APP: variants seen among roughly 807,000 people sequenced by gnomAD.
APP encodes the protein amyloid-beta precursor protein.
A neutral mutation model predicts 101.4 loss-of-function variants in APP; 31 were observed. The observed-to-expected ratio is 0.31, with a 90% CI of 0.23 to 0.41. APP has a LOEUF of 0.41. Among genes scored for constraint, APP ranks in the 10% least tolerant of loss-of-function variants. The probability of loss-of-function intolerance (pLI) is 1.00; values close to 1 mark genes in which losing one functional copy is unlikely to be tolerated. For synonymous variants in APP, 366 were observed against 364.4 expected (o/e 1.00, Z -0.05); for missense variants, 839 against 1,003.7 (o/e 0.84, Z 2.22).
chr21:25,929,496 T>C (rs2040050345), intron 13 of APP, among the ~76,000 whole-genome samples: 1 of 152,156 alleles, frequency 6.6e-6, no homozygotes, highest in Non-Finnish European at 1.5e-5. Context: ...TCGAAGTTAT[T>C]GAGGCAATGG....
At chr21:25,901,844 C>A (rs2038512506) in intron 15 of APP, among the ~76,000 whole-genome samples, 1 of 151,820 alleles carries the variant, frequency 6.6e-6, no homozygotes, top group South Asian at 2.1e-4. Context: ...GGGTCAAGGA[C>A]CTGGTTTCCC....
intron 6 of APP, among the ~76,000 whole-genome samples, chr21:26,021,568 T>A (rs1450218245): frequency 6.6e-6 from 1 of 152,148 alleles, no homozygotes; most frequent in Non-Finnish European, 1.5e-5. Context: ...ATTAGATGAC[T>A]ACCTGGTTGG....
At chr21:26,014,021 G>A (rs530597882) in intron 6 of APP, among the ~76,000 whole-genome samples, 3 of 62 alleles carry the variant, frequency 0.048, no homozygotes, top group South Asian at 0.25. Context: ...GCTACAACCC[G>A]GGCGAGAGTA....
intron 2 of APP, among the ~76,000 whole-genome samples, chr21:26,097,879 G>C (rs1309341871): frequency 2.0e-5 from 3 of 152,152 alleles, no homozygotes; most frequent in Non-Finnish European, 1.5e-5. Flanking sequence ...AGTAGATCGA[G>C]ACCATCCTGG....
intron 16 of APP, among the ~76,000 whole-genome samples, chr21:25,895,197 G>T (rs906519549): frequency 6.8e-6 from 1 of 146,402 alleles, no homozygotes; most frequent in African/African-American, 2.6e-5. Flanking sequence ...TTTTGAGACA[G>T]AGTCTTGCTC....
chr21:26,064,688 T>C (rs1368164980), intron 3 of APP, among the ~76,000 whole-genome samples: 1 of 152,038 alleles, frequency 6.6e-6, no homozygotes, highest in Non-Finnish European at 1.5e-5. Flanking sequence ...CCTAACAATC[T>C]CCACCTGGCA....
At chr21:26,166,868 A>AAGTGAGAGAGAG (rs1555886343) in intron 1 of APP, among the ~76,000 whole-genome samples, 239 of 122,572 alleles carry the variant, frequency 1.9e-3, no homozygotes, top group Non-Finnish European at 2.9e-3. Context: ...TCTGTCACTC[A>AAGTGAGAGAGAG]AGTGAGAGAG....
intron 3 of APP, among the ~76,000 whole-genome samples, chr21:26,072,907 T>C (rs1016414403): frequency 2.0e-5 from 3 of 152,170 alleles, no homozygotes; most frequent in African/African-American, 4.8e-5. Flanking sequence ...ACATATGCCA[T>C]GTTCACGAGT....
chr21:25,963,063 C>T (rs2041650153), intron 11 of APP, among the ~76,000 whole-genome samples: 1 of 152,206 alleles, frequency 6.6e-6, no homozygotes, highest in African/African-American at 2.4e-5. Context: ...ATCCACCTGC[C>T]TCGGCCTCCC....
At chr21:25,906,436 TA>T (rs1197016020) in intron 14 of APP, among the ~76,000 whole-genome samples, 1 of 152,232 alleles carries the variant, frequency 6.6e-6, no homozygotes, top group Non-Finnish European at 1.5e-5. Flanking sequence ...CTGCATCTTC[TA>T]ATTATGGTGA....
intron 14 of APP, among the ~76,000 whole-genome samples, chr21:25,906,012 T>C (rs1000181380): frequency 6.6e-6 from 1 of 152,062 alleles, no homozygotes; most frequent in African/African-American, 2.4e-5. Flanking sequence ...GGGAAAAAGG[T>C]AAGACAAAGT....
At chr21:26,061,123 C>T (rs917606760) in intron 3 of APP, among the ~76,000 whole-genome samples, 1 of 152,012 alleles carries the variant, frequency 6.6e-6, no homozygotes, top group Non-Finnish European at 1.5e-5. Context: ...AGAGGTGGTG[C>T]GTGTTCTCAG....
intron 2 of APP, among the ~76,000 whole-genome samples, chr21:26,106,828 C>G (rs1326193907): frequency 6.6e-6 from 1 of 152,204 alleles, no homozygotes; most frequent in Non-Finnish European, 1.5e-5. Context: ...CAGGAGTCCA[C>G]AGCTGACTCA....
intron 5 of APP, among the ~76,000 whole-genome samples, chr21:26,024,241 A>C (rs2044470982): frequency 6.6e-6 from 1 of 151,884 alleles, no homozygotes; most frequent in Non-Finnish European, 1.5e-5. Flanking sequence ...CAACTACCAC[A>C]GGTCTATTCG....
At chr21:26,166,871 T>TGAGAGAGAGA (rs559340452) in intron 1 of APP, among the ~76,000 whole-genome samples, 10 of 135,154 alleles carry the variant, frequency 7.4e-5, no homozygotes, top group East Asian at 2.2e-4. Flanking sequence ...GTCACTCAAG[T>TGAGAGAGAGA]GAGAGAGAGA....
intron 3 of APP, among the ~76,000 whole-genome samples, chr21:26,063,496 T>A: frequency 6.7e-6 from 1 of 149,388 alleles, no homozygotes; most frequent in Admixed American, 6.7e-5. Flanking sequence ...GGGCTGAAAA[T>A]ATGCAAGATG....
chr21:26,024,841 G>T (rs2146793244), intron 5 of APP, among the ~76,000 whole-genome samples: 1 of 152,308 alleles, frequency 6.6e-6, no homozygotes, highest in South Asian at 2.1e-4. Context: ...TAAATATGAT[G>T]TAAGGATATT....
chr21:26,095,176 C>T (rs1297352832), intron 2 of APP, among the ~76,000 whole-genome samples: 1 of 152,042 alleles, frequency 6.6e-6, no homozygotes, highest in African/African-American at 2.4e-5. Context: ...ATAGGGTCAT[C>T]CTATGTTGCC....
chr21:25,988,702 C>CAAAAAGAAAAAA (rs2042736375), intron 8 of APP, among the ~76,000 whole-genome samples: 1 of 62,372 alleles, frequency 1.6e-5, no homozygotes, highest in Non-Finnish European at 3.1e-5. Context: ...AACTCTGTCT[C>CAAAAAGAAAAAA]AAAAAAAAAA....
Sources: allele counts gnomAD v4.1 joint callset (sites outside exome capture counted in the v4.1 genomes callset), GRCh38; gene constraint gnomAD v4.1.1; transcripts MANE v1.5; gene names NCBI Gene and HGNC (gene_info 2026-07-23, HGNC 2026-07-21).